BNC2: variants seen among roughly 807,000 people sequenced by gnomAD.
BNC2 encodes the protein basonuclin zinc finger protein 2, also known as zinc finger protein basonuclin-2.
A neutral mutation model predicts 76.3 loss-of-function variants in BNC2; 20 were observed. The ratio of observed to expected loss-of-function variants is 0.26; its 90% CI spans 0.18 to 0.38. The LOEUF (loss-of-function observed/expected upper bound fraction) is 0.38. Among genes scored for constraint, BNC2 ranks in the 10% least tolerant of loss-of-function variants. The pLI is 1.00. For missense variants in BNC2, 1,382 were observed against 1,399.8 expected (o/e 0.99, Z 0.20); for synonymous variants, 582 against 514.8 (o/e 1.13, Z -1.77).
At chr9:16,849,295 G>C (rs1201816407) in intron 1 of BNC2, among the ~76,000 whole-genome samples, 1 of 150,148 alleles carries the variant, frequency 6.7e-6, no homozygotes, top group African/African-American at 2.5e-5. Context: ...TTTCAAAATT[G>C]CTAGTTATAT....
At chr9:16,511,729 CTAAT>C (rs1422571629) in intron 5 of BNC2, among the ~76,000 whole-genome samples, 2 of 152,030 alleles carry the variant, frequency 1.3e-5, no homozygotes, top group African/African-American at 4.8e-5. Flanking sequence ...CTGCACCTGG[CTAAT>C]AAATATACTC....
intron 1 of BNC2, among the ~76,000 whole-genome samples, chr9:16,762,230 T>C (rs1013319511): frequency 1.3e-5 from 2 of 152,142 alleles, no homozygotes; most frequent in Non-Finnish European, 2.9e-5. Context: ...CCTTCTGGAA[T>C]TTTTTATGAG....
chr9:16,729,472 A>G (rs573721695), intron 2 of BNC2, among the ~76,000 whole-genome samples: 3 of 152,328 alleles, frequency 2.0e-5, no homozygotes, highest in Admixed American at 2.0e-4. Context: ...AAAAGATGAG[A>G]AAACGTACAC....
At chr9:16,792,344 C>T (rs189842425) in intron 1 of BNC2, among the ~76,000 whole-genome samples, 6 of 152,278 alleles carry the variant, frequency 3.9e-5, no homozygotes, top group South Asian at 2.1e-4. Context: ...AGTGTAACTC[C>T]GTAAGTGAAG....
chr9:16,795,100 A>G (rs1817608739), intron 1 of BNC2, among the ~76,000 whole-genome samples: 1 of 152,208 alleles, frequency 6.6e-6, no homozygotes, highest in African/African-American at 2.4e-5. Flanking sequence ...GAAAGATGCA[A>G]TCCTCTCAAG....
chr9:16,536,758 C>A (rs1180942379), intron 5 of BNC2, among the ~76,000 whole-genome samples: 8 of 152,068 alleles, frequency 5.3e-5, no homozygotes, highest in African/African-American at 1.7e-4. Context: ...GCTCTTTCTT[C>A]CAAAGATATA....
intron 5 of BNC2, among the ~76,000 whole-genome samples, chr9:16,530,988 G>A (rs1177331073): frequency 2.6e-5 from 4 of 152,194 alleles, no homozygotes; most frequent in Non-Finnish European, 4.4e-5. Flanking sequence ...GGCATATTAC[G>A]AAACTTGCCA....
chr9:16,706,457 A>C (rs1375272150), intron 3 of BNC2, among the ~76,000 whole-genome samples: 1 of 152,210 alleles, frequency 6.6e-6, no homozygotes, highest in Non-Finnish European at 1.5e-5. Context: ...TTCCAGCTTT[A>C]ATCTCCTGGA....
chr9:16,549,684 T>C (rs1410187343), intron 5 of BNC2, among the ~76,000 whole-genome samples: 1 of 152,248 alleles, frequency 6.6e-6, no homozygotes, highest in African/African-American at 2.4e-5. Flanking sequence ...ACAGTCTCTC[T>C]CTTTTTTCTT....
chr9:16,527,033 G>C (rs750730207), intron 5 of BNC2, among the ~76,000 whole-genome samples: 4 of 152,132 alleles, frequency 2.6e-5, no homozygotes, highest in Admixed American at 2.0e-4. Flanking sequence ...ATTAATTTGG[G>C]GAAGTGTTGG....
At chr9:16,539,634 C>T (rs189786020) in intron 5 of BNC2, among the ~76,000 whole-genome samples, 3 of 15,106 alleles carry the variant, frequency 2.0e-4, no homozygotes, top group East Asian at 1.3e-3. Context: ...AGGGAGGGAG[C>T]GAGGGAGGGA....
chr9:16,637,436 T>C (rs1434674415), intron 3 of BNC2, among the ~76,000 whole-genome samples: 2 of 152,164 alleles, frequency 1.3e-5, no homozygotes, highest in African/African-American at 4.8e-5. Context: ...ATCCAGAACA[T>C]GCAGGGGCAA....
intron 4 of BNC2, among the ~76,000 whole-genome samples, chr9:16,573,484 T>C (rs144327484): frequency 0.019 from 2,903 of 152,156 alleles, 111 homozygotes; most frequent in African/African-American, 0.065. Context: ...ACATTTCAAG[T>C]GTTCAAAGCC....
At chr9:16,757,437 G>C (rs1662218808) in intron 1 of BNC2, among the ~76,000 whole-genome samples, 1 of 152,224 alleles carries the variant, frequency 6.6e-6, no homozygotes. Context: ...TCATGCCCTG[G>C]CGCTTGAGTC....
At chr9:16,620,839 T>C (rs1042867128) in intron 3 of BNC2, among the ~76,000 whole-genome samples, 6 of 152,200 alleles carry the variant, frequency 3.9e-5, no homozygotes, top group Non-Finnish European at 8.8e-5. Context: ...AACACTGATC[T>C]AAATAGCACA....
At chr9:16,741,115 G>A (rs952977601) in intron 1 of BNC2, among the ~76,000 whole-genome samples, 5 of 152,214 alleles carry the variant, frequency 3.3e-5, no homozygotes, top group African/African-American at 7.2e-5. Context: ...TGCTAAGGGA[G>A]ACATGATAGG....
At position 16,586,081 on chromosome 9, in the gene BNC2, T is replaced by G. The variant is rs1346382888; in HGVS notation, c.331-2996A>C. Among the ~76,000 whole-genome samples, 6 of 152,082 alleles carry G rather than the reference T, an allele frequency of 3.9e-5. No individual in the cohort carries two copies. In the East Asian group the frequency reaches 1.2e-3, roughly 29 times the overall value. The stretch of plus-strand genomic sequence containing the variant: ...TAATTCTTTCCTCAATTTCCATTAT[T>G]GGAAACTGTCTGCTCTTTTCTTTAT... On this transcript the variant is annotated intron_variant, in intron 3 of 6. Coordinates refer to ENST00000380672, the MANE Select transcript of BNC2 (RefSeq NM_017637.6).
chr9:16,550,193 G>C (rs1156393210), intron 5 of BNC2, among the ~76,000 whole-genome samples: 2 of 152,054 alleles, frequency 1.3e-5, no homozygotes, highest in Non-Finnish European at 2.9e-5. Context: ...GGCTGCATGT[G>C]GCCCATGAAG....
intron 6 of BNC2, 99 bp from the exon 7 acceptor site, chr9:16,419,748 T>A: frequency 1.3e-6 from 1 of 785,402 alleles, no homozygotes; most frequent in Non-Finnish European, 2.2e-6. Context: ...TCACTAGGTA[T>A]CAAATAAGCA....
Sources: allele counts gnomAD v4.1 joint callset (sites outside exome capture counted in the v4.1 genomes callset), GRCh38; gene constraint gnomAD v4.1.1; transcripts MANE v1.5; gene names NCBI Gene and HGNC (gene_info 2026-07-23, HGNC 2026-07-21).